ME3: variants seen among roughly 807,000 people sequenced by gnomAD.
ME3 encodes malic enzyme 3.
Under a neutral mutation model 68.9 loss-of-function variants are expected in ME3, and 48 were observed. The observed-to-expected ratio is 0.70, with a 90% CI of 0.55 to 0.89. The LOEUF is 0.89. ME3 is among the 40% of genes least tolerant of loss of function. The pLI, the probability that ME3 is intolerant of heterozygous loss-of-function variation, is 0.00. For missense variants in ME3, 675 were observed against 797.4 expected, an observed-to-expected ratio of 0.85 and a Z score of 1.85; for synonymous variants, 320 against 318.8, an observed-to-expected ratio of 1.00 and a Z score of -0.04.
At chr11:86,590,234 C>A (rs1053766270) in intron 2 of ME3, among the ~76,000 whole-genome samples, 1 of 152,300 alleles carries the variant, frequency 6.6e-6, no homozygotes, top group South Asian at 2.1e-4. Context: ...TATCTACTTA[C>A]GTTGCACCTA....
At chr11:86,464,541 C>G (rs1262030306) in intron 8 of ME3, among the ~76,000 whole-genome samples, 1 of 152,202 alleles carries the variant, frequency 6.6e-6, no homozygotes, top group African/African-American at 2.4e-5. Context: ...ACACTTCAGT[C>G]AAAACCAGAG....
intron 11 of ME3, among the ~76,000 whole-genome samples, chr11:86,447,689 C>T (rs7937668): frequency 0.3 from 45,457 of 151,668 alleles, 7,075 homozygotes; most frequent in Admixed American, 0.37. Flanking sequence ...GAAAACCTGT[C>T]TCTACTAAAA....
At chr11:86,559,844 A>G in intron 2 of ME3, 21 bp from the exon 3 acceptor site, 1 of 1,612,002 alleles carries the variant, frequency 6.2e-7, no homozygotes. Context: ...CAGGAAAAGA[A>G]CACCCACACA....
chr11:86,581,811 A>G (rs1233355198), intron 2 of ME3, among the ~76,000 whole-genome samples: 1 of 152,116 alleles, frequency 6.6e-6, no homozygotes, highest in Non-Finnish European at 1.5e-5. Context: ...CACTCAACCT[A>G]TATATGCAGT....
chr11:86,511,660 A>G (rs899267716), intron 4 of ME3, among the ~76,000 whole-genome samples: 8 of 152,164 alleles, frequency 5.3e-5, no homozygotes, highest in African/African-American at 1.9e-4. Context: ...AAGACTAAGG[A>G]AAGGCCGCAA....
intron 2 of ME3, among the ~76,000 whole-genome samples, chr11:86,567,233 G>GA (rs770350069): frequency 1.1e-5 from 1 of 90,786 alleles, no homozygotes; most frequent in Non-Finnish European, 2.5e-5. Context: ...AAGAAAGAAA[G>GA]AAAAGAAAGA....
intron 4 of ME3, among the ~76,000 whole-genome samples, chr11:86,545,561 A>G (rs1441625297): frequency 6.6e-6 from 1 of 152,234 alleles, no homozygotes; most frequent in East Asian, 1.9e-4. Flanking sequence ...GCTCCCATTC[A>G]TAATTGCTAC....
At chr11:86,541,214 A>G (rs939549330) in intron 4 of ME3, among the ~76,000 whole-genome samples, 2 of 151,964 alleles carry the variant, frequency 1.3e-5, no homozygotes, top group African/African-American at 2.4e-5. Context: ...CTGGGCAGCC[A>G]TTTGGGCAGA....
intron 2 of ME3, among the ~76,000 whole-genome samples, chr11:86,650,945 G>A (rs531391911): frequency 2.1e-4 from 32 of 152,364 alleles, no homozygotes; most frequent in African/African-American, 7.5e-4. Context: ...CCAGGAGATT[G>A]TATCCCTCAC....
chr11:86,488,304 G>A (rs569641909), intron 6 of ME3, among the ~76,000 whole-genome samples: 2 of 152,294 alleles, frequency 1.3e-5, no homozygotes, highest in South Asian at 4.1e-4. Flanking sequence ...GTATTGGGTC[G>A]CATCCAGAGT....
At chr11:86,537,923 C>G (rs977578992) in intron 4 of ME3, among the ~76,000 whole-genome samples, 1 of 152,214 alleles carries the variant, frequency 6.6e-6, no homozygotes, top group Non-Finnish European at 1.5e-5. Flanking sequence ...TGTGTACTTA[C>G]AAGGCTCTGC....
chr11:86,477,807 G>C (rs1223117474), intron 7 of ME3, among the ~76,000 whole-genome samples: 1 of 152,138 alleles, frequency 6.6e-6, no homozygotes, highest in East Asian at 1.9e-4. Context: ...AAATGTCCTA[G>C]AGAGTTGGGT....
intron 2 of ME3, among the ~76,000 whole-genome samples, chr11:86,568,530 C>T (rs148248370): frequency 6.6e-6 from 1 of 152,162 alleles, no homozygotes; most frequent in African/African-American, 2.4e-5. Flanking sequence ...CTCTATTTAC[C>T]CATGGGCTCA....
chr11:86,557,604 G>A (rs1414005076), intron 3 of ME3, among the ~76,000 whole-genome samples: 6 of 152,156 alleles, frequency 3.9e-5, no homozygotes, highest in African/African-American at 1.2e-4. Flanking sequence ...GGAAAGTCTT[G>A]TGTGACTTCT....
chr11:86,539,070 C>T (rs1053066820), intron 4 of ME3, among the ~76,000 whole-genome samples: 2 of 152,164 alleles, frequency 1.3e-5, no homozygotes, highest in African/African-American at 4.8e-5. Context: ...CCAAGACTCC[C>T]TCAAAGTGCG....
chr11:86,453,006 G>GTTTTTTT (rs553183604), intron 8 of ME3, among the ~76,000 whole-genome samples: 3 of 141,622 alleles, frequency 2.1e-5, no homozygotes, highest in African/African-American at 7.6e-5. Flanking sequence ...TTTTGTTTTT[G>GTTTTTTT]TTTTTAATTT....
At position 86,443,005 on chromosome 11, in the gene ME3, C is replaced by T. The variant is rs116059351; in HGVS notation, c.1555-86G>A. 3.0e-4 allele frequency: 315 copies of T among 1,032,798 alleles called. 2 individuals carry two copies. In the African/African-American group the frequency reaches 4.6e-3, roughly 15 times the overall value. 64.0% of individuals were successfully genotyped at this position (1,032,798 alleles called of 1,614,324 possible). A position where few individuals can be genotyped will look rare whatever the true frequency, so the allele number is the denominator to read the frequency against. On this transcript the variant is annotated intron_variant, in intron 13 of 14. Coordinates refer to ENST00000543262, the Ensembl canonical transcript of ME3. ...CAACCCGTTACCCCAGAGACTCACC[C>T]CACCCTGCATAGTTGGTCAAACACT...
chr11:86,632,249 G>C (rs1944064500), intron 2 of ME3, among the ~76,000 whole-genome samples: 2 of 152,170 alleles, frequency 1.3e-5, no homozygotes, highest in South Asian at 4.1e-4. Flanking sequence ...AGGGCCTCTG[G>C]GAGAGCAGCT....
In ME3 at chr11:86,445,182, T is replaced by C. The variant is rs114715571; in HGVS notation, c.1554+1132A>G. On this transcript the variant is annotated intron_variant, in intron 13 of 14. Transcript: ENST00000543262. ...AGCTACAGGACAAGAACACCCATCA[T>C]AGCAATGAGAAGAAAGACAAACAGA... is the stretch of plus-strand genomic sequence containing the variant. Among the ~76,000 whole-genome samples, 622 of 152,336 alleles carry C rather than the reference T, an allele frequency of 4.1e-3. 1 individual carries two copies. The highest frequency in any genetic ancestry group is 0.02 in the Middle Eastern group (6 of 294).
Sources: gnomAD v4.1 joint callset for allele counts (sites outside exome capture counted in the v4.1 genomes callset) on GRCh38, gnomAD v4.1.1 for gene constraint, MANE v1.5 for transcripts, NCBI Gene and HGNC (gene_info 2026-07-23, HGNC 2026-07-21) for gene names.